The following REDIC1 variants were observed in gnomAD, a reference collection of about 807,000 sequenced individuals.
The protein encoded by REDIC1 is regulator of DNA class I crossover intermediates 1.
At chr12:39,688,928 G>T in the REDIC1 span, among the ~76,000 whole-genome samples, 1 of 152,092 alleles carries the variant, frequency 6.6e-6, no homozygotes, top group Non-Finnish European at 1.5e-5. Context: ...GGAGGAGGTG[G>T]CAGGAAAAAG....
At chr12:39,758,680 T>C in the REDIC1 span, 1 of 152,038 alleles carries the variant, frequency 6.6e-6, no homozygotes, top group African/African-American at 2.4e-5. Context: ...GCATTTCTTA[T>C]AGACGTGCTA....
At chr12:39,864,735 A>T in the REDIC1 span, 1 of 1,610,100 alleles carries the variant, frequency 6.2e-7, no homozygotes, top group Non-Finnish European at 8.5e-7. Context: ...AGTCATGTAA[A>T]GGAAGAAGAA....
chr12:39,901,593 G>T, the REDIC1 span, among the ~76,000 whole-genome samples: 9 of 124,142 alleles, frequency 7.2e-5, no homozygotes, highest in East Asian at 2.1e-3. Flanking sequence ...ATGAAAAAAT[G>T]CTCATCATCA....
At chr12:39,791,190 CT>C in the REDIC1 span, among the ~76,000 whole-genome samples, 1 of 151,510 alleles carries the variant, frequency 6.6e-6, no homozygotes, top group Non-Finnish European at 1.5e-5. Context: ...ATGCTAAAAA[CT>C]CTCAATAAAT....
the REDIC1 span, among the ~76,000 whole-genome samples, chr12:39,684,503 A>G: frequency 2.6e-5 from 4 of 152,342 alleles, no homozygotes; most frequent in South Asian, 8.3e-4. Context: ...CTTACAAAAC[A>G]TTTCATAAAA....
the REDIC1 span, among the ~76,000 whole-genome samples, chr12:39,843,933 T>A: frequency 3.0e-4 from 46 of 152,090 alleles, no homozygotes; most frequent in African/African-American, 1.1e-3. Context: ...CAGTATGCTT[T>A]TTTCCCCCCA....
chr12:39,712,982 CATGTGTATAT>C, the REDIC1 span, among the ~76,000 whole-genome samples: 53 of 4,858 alleles, frequency 0.011, no homozygotes, highest in East Asian at 0.13. Flanking sequence ...TGTATATATA[CATGTGTATAT>C]ACGTGTATAT....
the REDIC1 span, among the ~76,000 whole-genome samples, chr12:39,728,195 G>A: frequency 6.6e-6 from 1 of 152,186 alleles, no homozygotes; most frequent in Non-Finnish European, 1.5e-5. Flanking sequence ...TAGGAGTGGT[G>A]AGAGAGGGCA....
the REDIC1 span, among the ~76,000 whole-genome samples, chr12:39,707,335 CTT>C: frequency 1.2e-4 from 18 of 151,852 alleles, no homozygotes; most frequent in African/African-American, 4.3e-4. Flanking sequence ...TTTAAAATGA[CTT>C]ATATCCCAAA....
chr12:39,881,357 A>G, the REDIC1 span, among the ~76,000 whole-genome samples: 1 of 152,176 alleles, frequency 6.6e-6, no homozygotes, highest in African/African-American at 2.4e-5. Flanking sequence ...AAACTCAAAC[A>G]GTGGATATGA....
chr12:39,764,047 C>T, the REDIC1 span, among the ~76,000 whole-genome samples: 1 of 152,240 alleles, frequency 6.6e-6, no homozygotes, highest in Admixed American at 6.5e-5. Flanking sequence ...GCAGATTCTG[C>T]TCTTGGACTG....
the REDIC1 span, among the ~76,000 whole-genome samples, chr12:39,812,401 TCTTC>T: frequency 4.8e-3 from 690 of 143,156 alleles, 8 homozygotes; most frequent in East Asian, 0.015. Context: ...TCTCTCTCTT[TCTTC>T]CTTCCTTCCT....
At chr12:39,821,980 A>G in the REDIC1 span, among the ~76,000 whole-genome samples, 5 of 151,880 alleles carry the variant, frequency 3.3e-5, no homozygotes, top group Non-Finnish European at 4.4e-5. Flanking sequence ...CAGGTTAGTT[A>G]CATATGTATA....
chr12:39,679,134 G>A, the REDIC1 span, among the ~76,000 whole-genome samples: 4 of 151,958 alleles, frequency 2.6e-5, no homozygotes, highest in South Asian at 2.1e-4. Context: ...TCTATTGTAC[G>A]TAGTACTGGA....
At chr12:39,674,412 C>T in the REDIC1 span, among the ~76,000 whole-genome samples, 1 of 152,108 alleles carries the variant, frequency 6.6e-6, no homozygotes, top group African/African-American at 2.4e-5. Flanking sequence ...GTATGCAGCT[C>T]CCACTTGGAC....
At chr12:39,899,261 A>G in the REDIC1 span, among the ~76,000 whole-genome samples, 1 of 152,038 alleles carries the variant, frequency 6.6e-6, no homozygotes, top group Non-Finnish European at 1.5e-5. Context: ...TTTCTAGTTT[A>G]TTTGCGTAGA....
the REDIC1 span, among the ~76,000 whole-genome samples, chr12:39,634,384 A>C: frequency 6.6e-6 from 1 of 152,288 alleles, no homozygotes; most frequent in Admixed American, 6.5e-5. Context: ...ACCTCAAACT[A>C]TACTACAAGG....
the REDIC1 span, among the ~76,000 whole-genome samples, chr12:39,671,114 T>A: frequency 6.6e-6 from 1 of 152,240 alleles, no homozygotes; most frequent in Admixed American, 6.5e-5. Flanking sequence ...CTTTTTCATG[T>A]TTGTGTTCTT....
At chr12:39,789,993 T>C in the REDIC1 span, among the ~76,000 whole-genome samples, 1 of 152,078 alleles carries the variant, frequency 6.6e-6, no homozygotes, top group African/African-American at 2.4e-5. Flanking sequence ...AGTAGCCACA[T>C]TCAAAAAGTA....
Sources: allele counts gnomAD v4.1 joint callset (sites outside exome capture counted in the v4.1 genomes callset), GRCh38; gene constraint gnomAD v4.1.1; transcripts MANE v1.5; gene names NCBI Gene and HGNC (gene_info 2026-07-23, HGNC 2026-07-21).